Variants in PTP4A1 observed in about 807,000 individuals in gnomAD.
PTP4A1 encodes protein tyrosine phosphatase 4A1, also known as protein tyrosine phosphatase type IVA 1.
A neutral mutation model predicts 20.5 loss-of-function variants in PTP4A1; 9 were observed. The observed-to-expected ratio is 0.44, with a 90% CI of 0.26 to 0.77. PTP4A1 has a LOEUF of 0.77. Ranked by LOEUF, PTP4A1 falls within the 30% of genes least tolerant of loss-of-function variation. PTP4A1 has a pLI of 0.19. For synonymous variants in PTP4A1, 78 were observed against 67.4 expected, an observed-to-expected ratio of 1.16 and a Z score of -0.77; for missense variants, 137 against 218.8, an observed-to-expected ratio of 0.63 and a Z score of 2.36.
chr6:63,576,465 T>C lies in PTP4A1; in HGVS notation c.-416T>C. 1 of 401,074 alleles carries C rather than the reference T, an allele frequency of 2.5e-6. No individual in the cohort carries two copies. The highest frequency in any genetic ancestry group is 4.4e-6 in the Non-Finnish European group (1 of 227,444). The allele number at this position is 401,074 out of a possible 1,614,324, so 24.8% of individuals were successfully genotyped here. Reference sequence around the variant, plus strand: ...TCTGTGGTGTTCTTGGTCACACATTTATGGAGTTTCTGAAGGGCAGTGGAG... The same window carrying C: ...TCTGTGGTGTTCTTGGTCACACATTCATGGAGTTTCTGAAGGGCAGTGGAG... On this transcript the variant is annotated 5_prime_UTR_variant, in exon 2 of 6. Transcript: ENST00000626021.
intron 4 of PTP4A1, 49 bp from the exon 5 acceptor site, chr6:63,579,208 A>G: frequency 6.5e-7 from 1 of 1,541,486 alleles, no homozygotes; most frequent in Non-Finnish European, 8.9e-7. Flanking sequence ...ATAAATTTAC[A>G]AAGATCTGAT....
chr6:63,572,349 A>C, upstream of PTP4A1: 10 of 264,250 alleles, frequency 3.8e-5, no homozygotes, highest in East Asian at 1.3e-4. Flanking sequence ...GCCGCCGCGG[A>C]GTGACGTCCG....
rs1241599683 is a variant in PTP4A1 at position 63,580,587 on chromosome 6, A to G, written c.*413A>G. ...ATACAGAAGTAAAATCCCAGGAACTATGAACACTAGACCTTATGTGGTTTA... is the reference window on the plus strand; with the variant it reads ...ATACAGAAGTAAAATCCCAGGAACTGTGAACACTAGACCTTATGTGGTTTA... On this transcript the variant is annotated 3_prime_UTR_variant, in exon 6 of 6. Transcript: ENST00000626021. The G allele has an allele frequency of 1.3e-5, 2 of 159,576 alleles. No individual in the cohort carries two copies. Among genetic ancestry groups the G allele is most frequent in the African/African-American group, 4.8e-5 (2 of 41,448 alleles). 9.9% of individuals were successfully genotyped at this position (159,576 alleles called of 1,614,324 possible).
chr6:63,572,857 G>T, intron 1 of PTP4A1, 138 bp downstream of exon 1: 1 of 394,102 alleles, frequency 2.5e-6, no homozygotes, highest in Non-Finnish European at 4.5e-6. Flanking sequence ...CCGGGTGGGA[G>T]CGGGCGGGTT....
chr6:63,578,587 A>G, intron 3 of PTP4A1, 58 bp downstream of exon 3: 1 of 1,559,190 alleles, frequency 6.4e-7, no homozygotes, highest in Non-Finnish European at 8.6e-7. Flanking sequence ...GTTTATTCAA[A>G]TAGTAAATTC....
Position 63,572,873 on chromosome 6 carries a change from CCTGTGGCCGGCCGA to C in PTP4A1, c.-446+155_-446+168del, listed in dbSNP as rs1777549742. Among the ~76,000 whole-genome samples the C allele has an allele frequency of 3.3e-5, 5 of 152,090 alleles. No homozygotes were observed. In the South Asian group the frequency reaches 1.0e-3, roughly 32 times the overall value. The stretch of plus-strand genomic sequence containing the variant: ...CGGGTGGGAGCGGGCGGGTTATGGC[CCTGTGGCCGGCCGA>C]TTGCGGCCGGCTGTGCGGAGGCAGA... On this transcript the variant is annotated intron_variant, in intron 1 of 5. Transcript: ENST00000626021.
chr6:63,567,220 T>A (rs993093304), intron 3 of PTP4A1, among the ~76,000 whole-genome samples: 1 of 152,230 alleles, frequency 6.6e-6, no homozygotes, highest in Non-Finnish European at 1.5e-5. Flanking sequence ...GCATCTAGAA[T>A]CCTTTCCAGA....
intron 3 of PTP4A1, among the ~76,000 whole-genome samples, chr6:63,564,271 G>A (rs1395679134): frequency 2.2e-5 from 3 of 138,392 alleles, no homozygotes; most frequent in Non-Finnish European, 3.0e-5. Context: ...GCGAGACTCT[G>A]TCTCAAAAAA....
intron 2 of PTP4A1, among the ~76,000 whole-genome samples, chr6:63,537,527 C>G (rs562689145): frequency 1.3e-5 from 2 of 152,186 alleles, no homozygotes; most frequent in Admixed American, 1.3e-4. Flanking sequence ...TTAGAGCGTA[C>G]CTTTTCACCC....
upstream of PTP4A1, among the ~76,000 whole-genome samples, chr6:63,518,022 G>A (rs1355252123): frequency 6.6e-6 from 1 of 151,976 alleles, no homozygotes; most frequent in East Asian, 1.9e-4. Flanking sequence ...TGTGGTGGCA[G>A]GCGCCTGTAA....
chr6:63,544,119 G>A (rs1221947520), intron 2 of PTP4A1, among the ~76,000 whole-genome samples: 2 of 151,994 alleles, frequency 1.3e-5, no homozygotes, highest in African/African-American at 4.8e-5. Flanking sequence ...ACAATTGTGG[G>A]GAGTAAAGAC....
chr6:63,576,019 A>G (rs949331093), intron 1 of PTP4A1, among the ~76,000 whole-genome samples: 3 of 151,514 alleles, frequency 2.0e-5, no homozygotes, highest in Non-Finnish European at 4.4e-5. Flanking sequence ...AAATCAACAT[A>G]AAGTGTATGT....
At chr6:63,537,295 C>G (rs1432571948) in intron 2 of PTP4A1, among the ~76,000 whole-genome samples, 1 of 152,148 alleles carries the variant, frequency 6.6e-6, no homozygotes, top group African/African-American at 2.4e-5. Flanking sequence ...CTATTCCAGA[C>G]CTAGTGAACC....
chr6:63,551,530 T>C (rs950863569), intron 3 of PTP4A1, among the ~76,000 whole-genome samples: 1 of 152,228 alleles, frequency 6.6e-6, no homozygotes, highest in African/African-American at 2.4e-5. Flanking sequence ...GATTCTGTCA[T>C]ATTAAGTTCA....
intron 3 of PTP4A1, among the ~76,000 whole-genome samples, chr6:63,562,207 T>TC (rs1335386289): frequency 6.6e-6 from 1 of 151,444 alleles, no homozygotes; most frequent in East Asian, 1.9e-4. Flanking sequence ...TTTTCTTTTT[T>TC]TTTTTTTTTG....
At chr6:63,579,109 T>A in intron 4 of PTP4A1, 81 bp downstream of exon 4, 1 of 1,411,398 alleles carries the variant, frequency 7.1e-7, no homozygotes, top group Non-Finnish European at 9.4e-7. Context: ...TCTTATAATT[T>A]TTTAATATAA....
At chr6:63,535,982 A>C (rs982855412) in intron 2 of PTP4A1, among the ~76,000 whole-genome samples, 4 of 148,318 alleles carry the variant, frequency 2.7e-5, no homozygotes, top group Non-Finnish European at 5.9e-5. Context: ...TGTGTTGGCC[A>C]GGGTGGCCTG....
At chr6:63,564,262 C>A (rs191678413) in intron 3 of PTP4A1, among the ~76,000 whole-genome samples, 2 of 144,792 alleles carry the variant, frequency 1.4e-5, no homozygotes, top group African/African-American at 5.2e-5. Flanking sequence ...GGTGACAGAG[C>A]GAGACTCTGT....
chr6:63,559,571 C>T (rs1776846388), intron 3 of PTP4A1, among the ~76,000 whole-genome samples: 1 of 151,956 alleles, frequency 6.6e-6, no homozygotes, highest in African/African-American at 2.4e-5. Context: ...ATGGTGAAAC[C>T]CTGTCTCTAC....
Sources: allele counts gnomAD v4.1 joint callset (sites outside exome capture counted in the v4.1 genomes callset), GRCh38; gene constraint gnomAD v4.1.1; transcripts MANE v1.5; gene names NCBI Gene and HGNC (gene_info 2026-07-23, HGNC 2026-07-21).